Variants in DYSF observed in about 807,000 individuals in gnomAD.
The protein encoded by DYSF is dysferlin, also known as dystrophy-associated fer-1-like 1.
Under a neutral mutation model 274.9 loss-of-function variants are expected in DYSF, and 212 were observed. The observed-to-expected ratio is 0.77, with a 90% CI of 0.69 to 0.86. The LOEUF is 0.86. DYSF is among the 40% of genes least tolerant of loss of function. The pLI is 0.00. For missense variants in DYSF, 2,666 were observed against 2,783.2 expected (o/e 0.96, Z 0.95); for synonymous variants, 1,091 against 1,078.7 (o/e 1.01, Z -0.22).
intron 6 of DYSF, 92 bp downstream of exon 6, chr2:71,513,424 T>A: frequency 7.3e-7 from 1 of 1,372,846 alleles, no homozygotes. Context: ...CGGGGCCAGG[T>A]GGCAGAGGAC....
At chr2:71,522,426 T>A (rs2087391541) in intron 12 of DYSF, among the ~76,000 whole-genome samples, 1 of 152,150 alleles carries the variant, frequency 6.6e-6, no homozygotes, top group African/African-American at 2.4e-5. Context: ...CTCCATAGCG[T>A]TCGATTCTGG....
At chr2:71,665,002 A>G (rs2094969376) in intron 46 of DYSF, among the ~76,000 whole-genome samples, 160 bp from the exon 47 acceptor site, 1 of 152,200 alleles carries the variant, frequency 6.6e-6, no homozygotes. Context: ...CATCTGTAAA[A>G]TGGGGATGCC....
intron 45 of DYSF, among the ~76,000 whole-genome samples, chr2:71,661,116 C>CAAAAAAAA (rs55761719): frequency 1.2e-5 from 1 of 85,944 alleles, no homozygotes. Context: ...AACCCTGTCT[C>CAAAAAAAA]AAAAAAAAAA....
At chr2:71,502,669 G>T (rs568326889) in intron 3 of DYSF, among the ~76,000 whole-genome samples, 4 of 152,292 alleles carry the variant, frequency 2.6e-5, no homozygotes, top group African/African-American at 9.6e-5. Context: ...GACCGCCCAG[G>T]GCCTCTCAGG....
intron 23 of DYSF, among the ~76,000 whole-genome samples, chr2:71,563,375 T>C (rs1361323613): frequency 6.6e-6 from 1 of 152,168 alleles, no homozygotes; most frequent in Non-Finnish European, 1.5e-5. Context: ...GGTGGAGACC[T>C]GGGGCTCACT....
intron 4 of DYSF, among the ~76,000 whole-genome samples, chr2:71,507,902 G>A (rs1356331324): frequency 3.7e-4 from 57 of 152,204 alleles, no homozygotes; most frequent in Admixed American, 3.7e-3. Flanking sequence ...TGATCCTCTC[G>A]CCTCAGCCTC....
At chr2:71,664,954 C>G (rs2094967901) in intron 46 of DYSF, among the ~76,000 whole-genome samples, 1 of 152,248 alleles carries the variant, frequency 6.6e-6, no homozygotes, top group South Asian at 2.1e-4. Context: ...CAATTCCGTA[C>G]TTAAATGAGT....
chr2:71,490,160 A>T (rs982279340), intron 3 of DYSF, among the ~76,000 whole-genome samples: 1 of 151,852 alleles, frequency 6.6e-6, no homozygotes, highest in Non-Finnish European at 1.5e-5. Flanking sequence ...CATTTTTTTA[A>T]ATTTAAAACA....
intron 32 of DYSF, among the ~76,000 whole-genome samples, chr2:71,593,334 T>A (rs550586841): frequency 5.3e-5 from 8 of 152,234 alleles, no homozygotes; most frequent in Non-Finnish European, 1.2e-4. Flanking sequence ...TTTCCCCTTG[T>A]TGGCCAGGCT....
chr2:71,616,062 GC>G (rs1289201434), intron 40 of DYSF, among the ~76,000 whole-genome samples: 1 of 152,168 alleles, frequency 6.6e-6, no homozygotes, highest in Non-Finnish European at 1.5e-5. Flanking sequence ...ACCAGCATCT[GC>G]CTAGGTCCTG....
chr2:71,600,528 G>GT (rs1199578987), intron 33 of DYSF, among the ~76,000 whole-genome samples, 174 bp from the exon 34 acceptor site: 1 of 152,216 alleles, frequency 6.6e-6, no homozygotes, highest in Non-Finnish European at 1.5e-5. Context: ...CTCACAGCTT[G>GT]TTTTGTCCTT....
intron 24 of DYSF, among the ~76,000 whole-genome samples, chr2:71,565,062 C>T (rs1365191811): frequency 6.6e-6 from 1 of 151,292 alleles, no homozygotes; most frequent in Non-Finnish European, 1.5e-5. Context: ...AGGAGTGGCC[C>T]TGAGAAGCAG....
chr2:71,499,746 C>T (rs1405724252), intron 3 of DYSF, among the ~76,000 whole-genome samples: 1 of 151,982 alleles, frequency 6.6e-6, no homozygotes, highest in East Asian at 1.9e-4. Flanking sequence ...CTCTTTCGGT[C>T]CCCACACTTC....
chr2:71,611,321 C>G lies in DYSF; in HGVS notation c.4034C>G (p.Pro1345Arg), dbSNP rs1391858242. 6.2e-7 allele frequency: 1 copy of G among 1,613,892 alleles called. No homozygotes were observed. Among genetic ancestry groups the G allele is most frequent in the African/African-American group, 1.3e-5 (1 of 74,938 alleles). Residue 1345 changes from proline to arginine, a missense_variant, in exon 37 of 56, where the codon CCA (proline) becomes CGA (arginine). Around this residue, in one of 3 missense-constraint regions of DYSF, gnomAD observed 1,460 missense variants for 1,502.1 expected, o/e 0.97. Transcript: ENST00000410020. ...NIYMVPQNIK[P>R]ALQRTAIEIL... The stretch of plus-strand genomic sequence containing the variant: ...TACATGGTTCCTCAGAACATCAAGC[C>G]AGCGCTCCAGCGTACCGCCATCGAG...
In DYSF at chr2:71,570,231, C is replaced by T. The variant is rs142404822; in HGVS notation, c.2982C>T (p.Asn994=). ...IYMSDNYTDV[N]GEKVLPKDDI... ...TGCCTGTTCGGTTTTGTCCTTAGAACGGGGAGAAGGTGCTTCCCAAGGATG... is the reference window on the plus strand; with the variant it reads ...TGCCTGTTCGGTTTTGTCCTTAGAATGGGGAGAAGGTGCTTCCCAAGGATG... Residue 994 remains asparagine (N), a splice_region_variant and synonymous_variant, in exon 28 of 56, where the codon AAC becomes AAT. Coordinates refer to ENST00000410020, the MANE Select transcript of DYSF (RefSeq NM_001130987.2). 310 of 1,613,892 alleles carry T rather than the reference C, an allele frequency of 1.9e-4. No individual in the cohort carries two copies. In the African/African-American group the frequency reaches 3.3e-3, roughly 17 times the overall value.
At chr2:71,632,827 C>T (rs189492215) in intron 41 of DYSF, among the ~76,000 whole-genome samples, 9 of 152,298 alleles carry the variant, frequency 5.9e-5, no homozygotes, top group South Asian at 4.2e-4. Context: ...CCAGCAACCT[C>T]GGGTTCCCCA....
In DYSF at chr2:71,644,054, C is replaced by T; in HGVS notation, c.4617C>T (p.Asp1539=). 6.2e-7 allele frequency: 1 copy of T among 1,610,292 alleles called. No individual in the cohort carries two copies. The highest frequency in any genetic ancestry group is 8.5e-7 in the Non-Finnish European group (1 of 1,178,172). The change falls in exon 42 of 56, where the codon GAC becomes GAT. Residue 1539 remains aspartate (D), a synonymous_variant. Coordinates refer to ENST00000410020, the MANE Select transcript of DYSF (RefSeq NM_001130987.2). ...KCGSYLEKDF[D]TLKVYDTQLE... is the part of the protein sequence containing the mutation. ...GCTCCTACCTGGAGAAGGATTTTGA[C>T]ACCCTGAAGGTAAGGCCTCTCTTCA... is the stretch of plus-strand genomic sequence containing the variant.
rs750819109 is a variant in DYSF at position 71,535,279 on chromosome 2, G to A, written c.1461G>A (p.Met487Ile). Reference sequence around the variant, plus strand: ...TATTCCTTCCTCAGTTTCCCTCCATGTGCGAAAAAATGAGGATTCGTATCA... The same window carrying A: ...TATTCCTTCCTCAGTTTCCCTCCATATGCGAAAAAATGAGGATTCGTATCA... ...NITLPAMFPS[M>I]CEKMRIRIID... The change falls in exon 16 of 56, where the codon ATG (methionine) becomes ATA (isoleucine). Residue 487 changes from methionine (M) to isoleucine (I), a missense_variant. Transcript: ENST00000410020. 1 of 1,614,054 alleles carries A rather than the reference G, an allele frequency of 6.2e-7. No homozygotes were observed. Among genetic ancestry groups the A allele is most frequent in the East Asian group, 2.2e-5 (1 of 44,862 alleles).
At chr2:71,634,704 C>T (rs1468426559) in intron 41 of DYSF, among the ~76,000 whole-genome samples, 2 of 152,278 alleles carry the variant, frequency 1.3e-5, no homozygotes, top group Non-Finnish European at 1.5e-5. Flanking sequence ...CTTAGGCAGT[C>T]TGGGCTTTCT....
Sources: allele counts gnomAD v4.1 joint callset (sites outside exome capture counted in the v4.1 genomes callset), GRCh38; gene constraint gnomAD v4.1.1; regional missense constraint gnomAD v4.1.1; transcripts MANE v1.5; gene names NCBI Gene and HGNC (gene_info 2026-07-23, HGNC 2026-07-21).